Variants in SPMIP2 observed in about 807,000 individuals in gnomAD.
The protein encoded by SPMIP2 is protein SPMIP2.
At chr4:159,020,039 G>A in the SPMIP2 span, among the ~76,000 whole-genome samples, 1 of 151,876 alleles carries the variant, frequency 6.6e-6, no homozygotes, top group African/African-American at 2.4e-5. Context: ...AAAATTGCTT[G>A]AACCTGGGAG....
the SPMIP2 span, among the ~76,000 whole-genome samples, chr4:159,057,446 C>A: frequency 6.6e-6 from 1 of 152,260 alleles, no homozygotes. Flanking sequence ...TCAAGGACAC[C>A]TATTCCAAAT....
chr4:159,039,657 G>A, the SPMIP2 span, among the ~76,000 whole-genome samples: 1 of 152,182 alleles, frequency 6.6e-6, no homozygotes, highest in South Asian at 2.1e-4. Flanking sequence ...CTCATTACTG[G>A]GACTAAAAGT....
chr4:159,046,419 G>A, the SPMIP2 span, among the ~76,000 whole-genome samples: 10 of 152,134 alleles, frequency 6.6e-5, no homozygotes, highest in African/African-American at 9.7e-5. Flanking sequence ...ATTACAAAGG[G>A]CATGAACAAC....
chr4:158,942,686 A>G, the SPMIP2 span, among the ~76,000 whole-genome samples: 1 of 152,188 alleles, frequency 6.6e-6, no homozygotes, highest in African/African-American at 2.4e-5. Context: ...CTGAGGCACG[A>G]GAGTCACTTG....
chr4:159,014,823 A>G, the SPMIP2 span, among the ~76,000 whole-genome samples: 1 of 152,222 alleles, frequency 6.6e-6, no homozygotes, highest in African/African-American at 2.4e-5. Context: ...AGCTAAAAAA[A>G]AAAAAATTCA....
At chr4:158,942,260 A>C in the SPMIP2 span, among the ~76,000 whole-genome samples, 3 of 152,194 alleles carry the variant, frequency 2.0e-5, no homozygotes, top group Admixed American at 6.5e-5. Context: ...AGCATCTTGG[A>C]ATCTAAGTCC....
the SPMIP2 span, among the ~76,000 whole-genome samples, chr4:158,988,450 G>A: frequency 1.1e-4 from 16 of 151,854 alleles, no homozygotes; most frequent in Admixed American, 9.9e-4. Flanking sequence ...AAAAGAAAAA[G>A]GCCAATATCC....
chr4:159,004,283 T>G, the SPMIP2 span, among the ~76,000 whole-genome samples: 1 of 106,976 alleles, frequency 9.3e-6, no homozygotes, highest in East Asian at 2.7e-4. Flanking sequence ...GAAGCTACTC[T>G]GTGCTCTTTT....
the SPMIP2 span, among the ~76,000 whole-genome samples, chr4:159,015,644 A>C: frequency 6.6e-6 from 1 of 152,240 alleles, no homozygotes; most frequent in Admixed American, 6.5e-5. Context: ...GTTGGAACAA[A>C]GAAATTTAGC....
chr4:158,924,687 G>GT, the SPMIP2 span, among the ~76,000 whole-genome samples: 1 of 152,024 alleles, frequency 6.6e-6, no homozygotes, highest in African/African-American at 2.4e-5. Flanking sequence ...TGGCCTATTT[G>GT]TTTTTTCAAA....
At chr4:159,012,896 T>C in the SPMIP2 span, among the ~76,000 whole-genome samples, 1 of 152,296 alleles carries the variant, frequency 6.6e-6, no homozygotes, top group African/African-American at 2.4e-5. Context: ...GTTATGCTGA[T>C]ACAAAATAGC....
At chr4:159,038,754 C>T in the SPMIP2 span, 1 of 152,158 alleles carries the variant, frequency 6.6e-6, no homozygotes, top group South Asian at 2.1e-4. Context: ...AGACAAGGGA[C>T]AAGGAGCTGG....
the SPMIP2 span, among the ~76,000 whole-genome samples, chr4:159,082,449 C>CTG: frequency 0.032 from 3,568 of 111,532 alleles, 56 homozygotes; most frequent in African/African-American, 0.063. Context: ...CCACTTTTCT[C>CTG]TGTGTGTGTG....
At chr4:158,952,286 G>T in the SPMIP2 span, among the ~76,000 whole-genome samples, 1 of 152,152 alleles carries the variant, frequency 6.6e-6, no homozygotes, top group Non-Finnish European at 1.5e-5. Flanking sequence ...ATTTTGAATT[G>T]TACTCCCATA....
At chr4:158,994,550 T>G in the SPMIP2 span, among the ~76,000 whole-genome samples, 1 of 152,216 alleles carries the variant, frequency 6.6e-6, no homozygotes, top group Non-Finnish European at 1.5e-5. Flanking sequence ...ATCCTCTATT[T>G]CAGTGACCAG....
chr4:159,003,928 A>C, the SPMIP2 span, among the ~76,000 whole-genome samples: 5 of 152,180 alleles, frequency 3.3e-5, no homozygotes, highest in Non-Finnish European at 5.9e-5. Flanking sequence ...CCAGATAAGA[A>C]AATGTTGGAC....
the SPMIP2 span, among the ~76,000 whole-genome samples, chr4:159,050,204 ATT>A: frequency 3.8e-3 from 439 of 114,422 alleles, no homozygotes; most frequent in Middle Eastern, 8.5e-3. Context: ...CCACCACTGT[ATT>A]TTTTTTTTTT....
chr4:158,939,720 G>A, the SPMIP2 span, among the ~76,000 whole-genome samples: 5 of 152,104 alleles, frequency 3.3e-5, no homozygotes, highest in Non-Finnish European at 7.4e-5. Context: ...GCTCACACCT[G>A]TAATCCCAGA....
At chr4:159,014,449 T>G in the SPMIP2 span, among the ~76,000 whole-genome samples, 42,025 of 152,036 alleles carry the variant, frequency 0.28, 6,345 homozygotes, top group South Asian at 0.41. Context: ...CAAGACTCTG[T>G]CTCAAAAAAA....
Sources: gnomAD v4.1 joint callset for allele counts (sites outside exome capture counted in the v4.1 genomes callset) on GRCh38, gnomAD v4.1.1 for gene constraint, MANE v1.5 for transcripts, NCBI Gene and HGNC (gene_info 2026-07-23, HGNC 2026-07-21) for gene names.